THSD7B: variants seen among roughly 807,000 people sequenced by gnomAD.
THSD7B encodes thrombospondin type-1 domain-containing protein 7B.
Under a neutral mutation model 213.6 loss-of-function variants are expected in THSD7B, and 138 were observed. The observed-to-expected ratio is 0.65, with a 90% confidence interval of 0.56 to 0.74. The LOEUF is 0.74. Ranked by LOEUF, THSD7B falls within the 30% of genes least tolerant of loss-of-function variation. The pLI is 0.00. For synonymous variants in THSD7B, 742 were observed against 687.0 expected, an observed-to-expected ratio of 1.08 and a Z score of -1.25; for missense variants, 1,931 against 1,991.5, an observed-to-expected ratio of 0.97 and a Z score of 0.58.
At chr2:137,279,291 T>C (rs2104815213) in intron 12 of THSD7B, among the ~76,000 whole-genome samples, 1 of 152,210 alleles carries the variant, frequency 6.6e-6, no homozygotes, top group Non-Finnish European at 1.5e-5. Flanking sequence ...ATCTCAGCAC[T>C]TTGGAAGGCT....
intron 5 of THSD7B, among the ~76,000 whole-genome samples, chr2:137,135,599 G>T (rs1416867753): frequency 6.6e-6 from 1 of 152,128 alleles, no homozygotes; most frequent in African/African-American, 2.4e-5. Flanking sequence ...CTAGTCTAGG[G>T]TGCAAGTCTA....
intron 2 of THSD7B, chr2:136,990,972 A>G (rs1438664396): frequency 1.5e-6 from 2 of 1,317,704 alleles, no homozygotes; most frequent in Admixed American, 2.2e-5. Flanking sequence ...GAAAGACATC[A>G]AAACTATCAC....
At chr2:137,318,074 T>G (rs2104874910) in intron 12 of THSD7B, among the ~76,000 whole-genome samples, 1 of 152,284 alleles carries the variant, frequency 6.6e-6, no homozygotes, top group East Asian at 1.9e-4. Flanking sequence ...TTTTTTGCAT[T>G]ATATTAACAG....
At chr2:137,522,244 G>A (rs1477131506) in intron 15 of THSD7B, among the ~76,000 whole-genome samples, 1 of 152,206 alleles carries the variant, frequency 6.6e-6, no homozygotes. Context: ...CTTGTAGACT[G>A]CATGTGTTTT....
intron 17 of THSD7B, among the ~76,000 whole-genome samples, chr2:137,581,314 G>A (rs1681569532): frequency 6.6e-6 from 1 of 152,128 alleles, no homozygotes; most frequent in Admixed American, 6.5e-5. Flanking sequence ...TAGGCCGGGT[G>A]CAGTGGTTCA....
At chr2:137,113,701 T>A (rs2104937224) in intron 4 of THSD7B, among the ~76,000 whole-genome samples, 1 of 152,246 alleles carries the variant, frequency 6.6e-6, no homozygotes, top group East Asian at 1.9e-4. Flanking sequence ...CCTCTCAAAG[T>A]GCTGGGATTA....
At chr2:137,507,650 TCTTA>T (rs1679866580) in intron 15 of THSD7B, among the ~76,000 whole-genome samples, 2 of 152,226 alleles carry the variant, frequency 1.3e-5, no homozygotes, top group African/African-American at 4.8e-5. Context: ...CCTGAATTTT[TCTTA>T]CTATGTTTAA....
At position 137,293,929 on chromosome 2, in the gene THSD7B, C is replaced by T. The variant is rs759397250; in HGVS notation, c.2500+17903C>T. 1.2e-4 allele frequency among the ~76,000 whole-genome samples: 18 copies of T among 152,160 alleles called. 1 individual carries two copies. Among genetic ancestry groups the T allele is most frequent in the Middle Eastern group, 3.4e-3 (1 of 294 alleles). On this transcript the variant is annotated intron_variant, in intron 12 of 27. Transcript: ENST00000409968. ...GAGTACTTCTAAAACATGAAATATA[C>T]GGCTATTTATAATCTGGCCCCTGTA...
Position 137,270,032 on chromosome 2 carries a change from A to ATC in THSD7B, c.2267-2501_2267-2500insTC, listed in dbSNP as rs774298890. On this transcript the variant is annotated intron_variant, in intron 10 of 27. Transcript: ENST00000409968. ...TGATGGTTTAGGACCTGGGCTAGTG[A>ATC]AAGTTAGAATCCATAAAGTTGATGG... Among the ~76,000 whole-genome samples, 92 of 152,152 alleles carry ATC rather than the reference A, an allele frequency of 6.0e-4. 2 individuals are homozygous for ATC. Among genetic ancestry groups the ATC allele is most frequent in the Non-Finnish European group, 1.5e-4 (10 of 68,030 alleles).
intron 27 of THSD7B, among the ~76,000 whole-genome samples, chr2:137,671,791 C>G (rs1440028315): frequency 6.6e-6 from 1 of 152,122 alleles, no homozygotes; most frequent in Non-Finnish European, 1.5e-5. Flanking sequence ...ACTTAGGGTA[C>G]TGCCCCTCTA....
intron 7 of THSD7B, among the ~76,000 whole-genome samples, chr2:137,180,475 C>A (rs771231774): frequency 6.6e-5 from 10 of 152,120 alleles, no homozygotes; most frequent in Admixed American, 3.9e-4. Flanking sequence ...TTCTCAAGGG[C>A]ACATACCTTG....
chr2:137,619,393 C>T (rs17743791), intron 19 of THSD7B, among the ~76,000 whole-genome samples: 17,971 of 152,236 alleles, frequency 0.12, 1,205 homozygotes, highest in South Asian at 0.21. Context: ...TGTCACAACA[C>T]GCTCATGCTC....
intron 12 of THSD7B, among the ~76,000 whole-genome samples, chr2:137,314,932 A>T (rs1247021800): frequency 6.6e-6 from 1 of 152,190 alleles, no homozygotes; most frequent in Non-Finnish European, 1.5e-5. Context: ...GGGACATTTA[A>T]GTCTGCAGAG....
chr2:136,907,572 T>A (rs1472793242), intron 2 of THSD7B, among the ~76,000 whole-genome samples: 2 of 152,134 alleles, frequency 1.3e-5, no homozygotes, highest in Non-Finnish European at 2.9e-5. Flanking sequence ...ATGAAGGAAG[T>A]CATTTATTTC....
chr2:136,942,451 T>C (rs1684845114), intron 2 of THSD7B, among the ~76,000 whole-genome samples: 1 of 152,216 alleles, frequency 6.6e-6, no homozygotes, highest in Non-Finnish European at 1.5e-5. Context: ...AGTAAGGCCA[T>C]TTTCATGATA....
At chr2:137,430,460 A>C (rs1261717248) in intron 14 of THSD7B, among the ~76,000 whole-genome samples, 1 of 152,178 alleles carries the variant, frequency 6.6e-6, no homozygotes, top group African/African-American at 2.4e-5. Context: ...TACTCTGGTG[A>C]AGTAAAAATA....
intron 5 of THSD7B, among the ~76,000 whole-genome samples, chr2:137,130,900 G>T (rs1688717499): frequency 6.6e-6 from 1 of 150,966 alleles, no homozygotes; most frequent in Admixed American, 6.6e-5. Flanking sequence ...ACCCAGTAAT[G>T]GGATGGCTGG....
intron 14 of THSD7B, among the ~76,000 whole-genome samples, chr2:137,439,245 C>A (rs1687350187): frequency 6.6e-6 from 1 of 151,848 alleles, no homozygotes; most frequent in South Asian, 2.1e-4. Context: ...ACTAACAAAC[C>A]CTCTTTTTCT....
At chr2:137,669,865 C>A (rs1683526387) in intron 27 of THSD7B, among the ~76,000 whole-genome samples, 1 of 152,168 alleles carries the variant, frequency 6.6e-6, no homozygotes, top group African/African-American at 2.4e-5. Context: ...AATGTGTTAA[C>A]CATAATCTAT....
Sources: gnomAD v4.1 joint callset for allele counts (sites outside exome capture counted in the v4.1 genomes callset) on GRCh38, gnomAD v4.1.1 for gene constraint, MANE v1.5 for transcripts, NCBI Gene and HGNC (gene_info 2026-07-23, HGNC 2026-07-21) for gene names.